Variants in MAF observed in about 807,000 individuals in gnomAD.
MAF encodes the protein transcription factor Maf.
A neutral mutation model predicts 22.0 loss-of-function variants in MAF; 10 were observed. The observed-to-expected ratio is 0.45, with a 90% CI of 0.28 to 0.77. The LOEUF is 0.77. Among genes scored for constraint, MAF ranks in the 30% least tolerant of loss-of-function variants. The pLI is 0.12. For missense variants in MAF, 544 were observed against 548.4 expected (o/e 0.99, Z 0.08); for synonymous variants, 337 against 255.8 (o/e 1.32, Z -3.03).
At chr16:79,311,141 G>A in the MAF span, among the ~76,000 whole-genome samples, 4 of 151,488 alleles carry the variant, frequency 2.6e-5, no homozygotes, top group African/African-American at 7.3e-5. Context: ...CCCTTCCTTC[G>A]CCAGGCTCTC....
chr16:79,561,724 C>G, the MAF span, among the ~76,000 whole-genome samples: 1 of 152,110 alleles, frequency 6.6e-6, no homozygotes, highest in Non-Finnish European at 1.5e-5. Context: ...AAAAAATGGT[C>G]TTCAAAGCCA....
chr16:79,428,571 G>A, the MAF span, among the ~76,000 whole-genome samples: 2 of 152,120 alleles, frequency 1.3e-5, no homozygotes, highest in Non-Finnish European at 2.9e-5. Flanking sequence ...AGGGTGCAGT[G>A]GCTCACACCT....
chr16:79,314,225 A>G, the MAF span, among the ~76,000 whole-genome samples: 1 of 152,176 alleles, frequency 6.6e-6, no homozygotes, highest in African/African-American at 2.4e-5. Context: ...TTTATGACCA[A>G]ATACTTGCAA....
chr16:79,490,629 C>T, the MAF span, among the ~76,000 whole-genome samples: 1 of 152,090 alleles, frequency 6.6e-6, no homozygotes, highest in Non-Finnish European at 1.5e-5. Flanking sequence ...CACACACTCA[C>T]ACATGCATAA....
the MAF span, among the ~76,000 whole-genome samples, chr16:79,520,428 G>A: frequency 6.6e-6 from 1 of 152,046 alleles, no homozygotes; most frequent in Admixed American, 6.6e-5. Flanking sequence ...GGCTCTCGTG[G>A]TCCTAACCTC....
chr16:79,305,144 C>G, the MAF span, among the ~76,000 whole-genome samples: 2 of 152,170 alleles, frequency 1.3e-5, no homozygotes, highest in Non-Finnish European at 2.9e-5. Flanking sequence ...GCCAGCAGGC[C>G]AGGGGCTGGT....
At chr16:79,403,683 T>C in the MAF span, among the ~76,000 whole-genome samples, 2 of 152,220 alleles carry the variant, frequency 1.3e-5, no homozygotes, top group African/African-American at 4.8e-5. Context: ...GGTGAGATTA[T>C]TTACTTGGTC....
At chr16:79,392,412 A>G in the MAF span, among the ~76,000 whole-genome samples, 1 of 149,232 alleles carries the variant, frequency 6.7e-6, no homozygotes, top group South Asian at 2.2e-4. Context: ...AGGAAAAGAG[A>G]AGAAAAAGGA....
chr16:79,544,118 T>A, the MAF span, among the ~76,000 whole-genome samples: 1 of 152,030 alleles, frequency 6.6e-6, no homozygotes, highest in East Asian at 1.9e-4. Flanking sequence ...AGTGGTATGA[T>A]ATGGTCAACC....
chr16:79,372,973 G>C, the MAF span, among the ~76,000 whole-genome samples: 681 of 152,296 alleles, frequency 4.5e-3, 7 homozygotes, highest in Non-Finnish European at 5.5e-3. Context: ...CTCTGCTAGA[G>C]AGTCCTTCTC....
the MAF span, among the ~76,000 whole-genome samples, chr16:79,210,821 C>T: frequency 6.6e-6 from 1 of 152,258 alleles, no homozygotes; most frequent in South Asian, 2.1e-4. Flanking sequence ...CGTCCCTAGC[C>T]ACAGCCGCAA....
chr16:79,573,047 G>A, the MAF span, among the ~76,000 whole-genome samples: 1 of 152,126 alleles, frequency 6.6e-6, no homozygotes, highest in South Asian at 2.1e-4. Flanking sequence ...GTTTCATAAT[G>A]TTATTGGCCA....
chr16:79,593,115 A>C (rs1425066612), downstream of MAF, among the ~76,000 whole-genome samples: 1 of 152,194 alleles, frequency 6.6e-6, no homozygotes, highest in African/African-American at 2.4e-5. Flanking sequence ...AAAAAGAGAG[A>C]GAGAGAGACT....
the MAF span, among the ~76,000 whole-genome samples, chr16:79,367,851 T>C: frequency 4.6e-5 from 7 of 152,250 alleles, no homozygotes; most frequent in Non-Finnish European, 8.8e-5. Flanking sequence ...ATTCTGCTTC[T>C]GCAAGTCCTG....
the MAF span, among the ~76,000 whole-genome samples, chr16:79,404,317 C>T: frequency 1.5e-4 from 23 of 152,184 alleles, no homozygotes; most frequent in African/African-American, 5.3e-4. Context: ...GTGCCCACCA[C>T]CACACCGTGC....
At chr16:79,217,124 TA>T in the MAF span, among the ~76,000 whole-genome samples, 32 of 152,370 alleles carry the variant, frequency 2.1e-4, no homozygotes, top group African/African-American at 7.5e-4. Flanking sequence ...CTGCTACTTC[TA>T]ATTTCAGATG....
chr16:79,524,987 T>C, the MAF span, among the ~76,000 whole-genome samples: 1 of 152,156 alleles, frequency 6.6e-6, no homozygotes, highest in Non-Finnish European at 1.5e-5. Context: ...TCTAAATGAG[T>C]GCAAAACTGT....
chr16:79,258,867 G>T, the MAF span, among the ~76,000 whole-genome samples: 1 of 152,132 alleles, frequency 6.6e-6, no homozygotes, highest in Non-Finnish European at 1.5e-5. Flanking sequence ...AAACCTAGAT[G>T]TCAGACTGCC....
At chr16:79,298,524 T>C in the MAF span, among the ~76,000 whole-genome samples, 1 of 152,186 alleles carries the variant, frequency 6.6e-6, no homozygotes, top group Non-Finnish European at 1.5e-5. Flanking sequence ...GGGTCATTCC[T>C]AGCTGAAGTT....
Sources: allele counts gnomAD v4.1 joint callset (sites outside exome capture counted in the v4.1 genomes callset), GRCh38; gene constraint gnomAD v4.1.1; transcripts MANE v1.5; gene names NCBI Gene and HGNC (gene_info 2026-07-23, HGNC 2026-07-21).